Variants in ME1 observed in about 807,000 individuals in gnomAD.
The protein encoded by ME1 is malic enzyme 1.
In ME1, 74 loss-of-function variants were observed where a neutral mutation model predicts 66.4. That is an observed-to-expected ratio of 1.11 (90% CI 0.92 to 1.35). The LOEUF is 1.35. Ranked by LOEUF, ME1 falls within the 40% of genes most tolerant of loss-of-function variation. The probability of loss-of-function intolerance (pLI) is 0.00; values close to 1 mark genes in which losing one functional copy is unlikely to be tolerated. For synonymous variants in ME1, 251 were observed against 235.6 expected (o/e 1.07, Z -0.60); for missense variants, 750 against 694.1 (o/e 1.08, Z -0.90).
chr6:83,381,901 A>G (rs377366083), intron 3 of ME1, among the ~76,000 whole-genome samples: 2 of 152,120 alleles, frequency 1.3e-5, no homozygotes, highest in East Asian at 3.8e-4. Flanking sequence ...ATTAAGCTTT[A>G]TAATGAAACT....
intron 1 of ME1, among the ~76,000 whole-genome samples, chr6:83,419,658 G>A (rs964592651): frequency 3.3e-5 from 5 of 152,104 alleles, no homozygotes; most frequent in Non-Finnish European, 4.4e-5. Context: ...TTTATAAAGC[G>A]AATCTATAAG....
At chr6:83,343,974 T>C (rs1768637903) in intron 5 of ME1, among the ~76,000 whole-genome samples, 1 of 152,132 alleles carries the variant, frequency 6.6e-6, no homozygotes, top group Admixed American at 6.6e-5. Flanking sequence ...ATGTCCACAT[T>C]ATACAAACAA....
intron 1 of ME1, among the ~76,000 whole-genome samples, chr6:83,411,982 A>G (rs1178478070): frequency 2.6e-5 from 4 of 152,176 alleles, no homozygotes; most frequent in South Asian, 2.1e-4. Context: ...TAACCTATGT[A>G]TATCTTCTTG....
chr6:83,223,973 A>G (rs1275766876), intron 11 of ME1, 40 bp from the exon 12 acceptor site: 1 of 1,573,076 alleles, frequency 6.4e-7, no homozygotes, highest in Non-Finnish European at 8.7e-7. Flanking sequence ...AAAAAGAAGC[A>G]GAATATTTTA....
chr6:83,358,848 G>A (rs1038739802), intron 3 of ME1, among the ~76,000 whole-genome samples: 1 of 151,410 alleles, frequency 6.6e-6, no homozygotes, highest in Non-Finnish European at 1.5e-5. Flanking sequence ...CCCTGAGGCA[G>A]TTGCCAGGCA....
intron 3 of ME1, among the ~76,000 whole-genome samples, chr6:83,360,276 T>C (rs777287130): frequency 1.3e-5 from 2 of 152,188 alleles, no homozygotes; most frequent in Non-Finnish European, 2.9e-5. Flanking sequence ...CTCTGGCCTT[T>C]TACCAGGGTA....
chr6:83,332,212 T>C (rs1464946595), intron 5 of ME1, among the ~76,000 whole-genome samples: 1 of 152,124 alleles, frequency 6.6e-6, no homozygotes, highest in Non-Finnish European at 1.5e-5. Flanking sequence ...ATTTTCCATC[T>C]AAACAAAATC....
intron 3 of ME1, among the ~76,000 whole-genome samples, chr6:83,389,126 A>AAAT (rs956216691): frequency 1.3e-5 from 2 of 152,022 alleles, no homozygotes; most frequent in African/African-American, 4.8e-5. Context: ...CTCAAAAGTA[A>AAAT]AATAATAATA....
intron 6 of ME1, among the ~76,000 whole-genome samples, chr6:83,269,991 A>G (rs1210809917): frequency 6.6e-6 from 1 of 152,184 alleles, no homozygotes; most frequent in Non-Finnish European, 1.5e-5. Context: ...CTTGTGAAAT[A>G]TAGACCCAGA....
chr6:83,352,111 C>G lies in ME1; in HGVS notation c.391G>C (p.Gly131Arg), dbSNP rs1407338898. The G allele has an allele frequency of 1.3e-6, 2 of 1,586,092 alleles. No homozygotes were observed. The highest frequency in any genetic ancestry group is 1.7e-6 in the Non-Finnish European group (2 of 1,164,472). Residue 131 changes from glycine to arginine, a missense_variant, in exon 4 of 14, where the codon GGG becomes CGG. Gly to Arg is a moderately radical substitution (Grantham distance 125). Transcript: ENST00000369705. The part of the protein sequence containing the change: ...RGLFITIHDR[G>R]HIASVLNAWP... ...GCATTGAGAACTGAAGCAATATGCC[C>G]TCGATCGTGGATAGTAATAAAGAGA...
intron 3 of ME1, among the ~76,000 whole-genome samples, chr6:83,352,855 C>A (rs1185861673): frequency 1.3e-5 from 2 of 152,106 alleles, no homozygotes; most frequent in Non-Finnish European, 2.9e-5. Flanking sequence ...ATACAGAGAA[C>A]CACATATAGC....
chr6:83,317,966 G>A (rs1231721291), intron 5 of ME1, among the ~76,000 whole-genome samples: 1 of 151,984 alleles, frequency 6.6e-6, no homozygotes, highest in Non-Finnish European at 1.5e-5. Flanking sequence ...ATAGATCAAC[G>A]GAACAGAACA....
chr6:83,297,696 G>C (rs1368602365), intron 6 of ME1, among the ~76,000 whole-genome samples: 1 of 152,094 alleles, frequency 6.6e-6, no homozygotes, highest in African/African-American at 2.4e-5. Context: ...CATCACCTAA[G>C]TATTAAGCCC....
In ME1 at chr6:83,327,465, C is replaced by T. The variant is rs190303185; in HGVS notation, c.601-12052G>A. 5.4e-4 allele frequency among the ~76,000 whole-genome samples: 82 copies of T among 152,258 alleles called. 1 individual carries two copies. Among genetic ancestry groups the T allele is most frequent in the African/African-American group, 1.8e-3 (73 of 41,566 alleles). ...GGGTAGGTCTCTGAACTGGCCCCCC[C>T]GGGGCACACCTGTCTCTTATGGTTG... On this transcript the variant is annotated intron_variant, in intron 5 of 13. Transcript: ENST00000369705.
intron 5 of ME1, among the ~76,000 whole-genome samples, chr6:83,326,590 T>C (rs1361119495): frequency 6.6e-6 from 1 of 152,006 alleles, no homozygotes; most frequent in Non-Finnish European, 1.5e-5. Flanking sequence ...TGAACAGACA[T>C]TTTCAAAAGA....
Position 83,398,370 on chromosome 6 carries a change from G to A in ME1, c.359C>T (p.Pro120Leu). The A allele has an allele frequency of 6.4e-7, 1 of 1,570,722 alleles. No homozygotes were observed. The highest frequency in any genetic ancestry group is 1.4e-5 in the African/African-American group (1 of 72,716). The change falls in exon 3 of 14, where the codon CCA becomes CTA. Residue 120 changes from proline to leucine, a missense_variant. Transcript: ENST00000369705. ...TATAAAATAAAAGTTGACATACCTT[G>A]GCTTCCGAAACACCAAACTATATTG... is the stretch of plus-strand genomic sequence containing the variant. ...CQQYSLVFRK[P>L]RGLFITIHDR...
intron 11 of ME1, among the ~76,000 whole-genome samples, chr6:83,225,205 C>CAAAA (rs146673365): frequency 4.2e-4 from 17 of 40,478 alleles, no homozygotes; most frequent in Middle Eastern, 0.014. Context: ...GACTCCATCT[C>CAAAA]AAAAAAAAAA....
chr6:83,379,513 A>G (rs1457222820), intron 3 of ME1, among the ~76,000 whole-genome samples: 1 of 152,084 alleles, frequency 6.6e-6, no homozygotes, highest in Admixed American at 6.6e-5. Flanking sequence ...CATTCTATGA[A>G]TGCTTGTAAA....
chr6:83,271,022 T>TA (rs574960807), intron 6 of ME1, among the ~76,000 whole-genome samples: 5,623 of 120,100 alleles, frequency 0.047, 284 homozygotes, highest in African/African-American at 0.14. Context: ...GGTGAAGGAG[T>TA]AAAAAAAAAA....
Sources: allele counts gnomAD v4.1 joint callset (sites outside exome capture counted in the v4.1 genomes callset), GRCh38; gene constraint gnomAD v4.1.1; transcripts MANE v1.5; gene names NCBI Gene and HGNC (gene_info 2026-07-23, HGNC 2026-07-21).